Variants in POLR3E observed in about 807,000 individuals in gnomAD.
The protein encoded by POLR3E is RNA polymerase III subunit E.
A neutral mutation model predicts 96.6 loss-of-function variants in POLR3E; 41 were observed. The observed-to-expected ratio is 0.42, with a 90% CI of 0.33 to 0.55. POLR3E has a LOEUF of 0.55. Among genes scored for constraint, POLR3E ranks in the 20% least tolerant of loss-of-function variants. The pLI is 0.06. For synonymous variants in POLR3E, 396 were observed against 383.6 expected (o/e 1.03, Z -0.38); for missense variants, 849 against 952.1 (o/e 0.89, Z 1.43).
intron 3 of POLR3E, among the ~76,000 whole-genome samples, chr16:22,306,881 C>T (rs936591734): frequency 2.0e-5 from 3 of 152,204 alleles, no homozygotes; most frequent in South Asian, 2.1e-4. Flanking sequence ...GAGGCCTTCA[C>T]GGGCACGGAG....
At chr16:22,303,423 GTGAA>G (rs1016181818) in intron 2 of POLR3E, among the ~76,000 whole-genome samples, 1 of 152,252 alleles carries the variant, frequency 6.6e-6, no homozygotes, top group East Asian at 1.9e-4. Context: ...CGACTATTTG[GTGAA>G]TGAATGAATG....
Position 22,333,745 on chromosome 16 carries a change from G to C in POLR3E, c.*45G>C, listed in dbSNP as rs767156635. Reference sequence around the variant, plus strand: ...ACCCAGCAAATCTAAGCCCAAGGAAGAAGGGCGGAACCAGAAGTAGGGCCT... The same window carrying C: ...ACCCAGCAAATCTAAGCCCAAGGAACAAGGGCGGAACCAGAAGTAGGGCCT... On this transcript the variant is annotated 3_prime_UTR_variant, in exon 21 of 21. Transcript: ENST00000299853. 7.2e-7 allele frequency: 1 copy of C among 1,383,014 alleles called. No homozygotes were observed. Among genetic ancestry groups the C allele is most frequent in the Non-Finnish European group, 1.0e-6 (1 of 969,130 alleles). The allele number at this position is 1,383,014 out of a possible 1,614,324, so 85.7% of individuals were successfully genotyped here.
rs546464018 is a variant in POLR3E at position 22,313,748 on chromosome 16, C to T, written c.472+21C>T. ...CGAGGGTGAGCCCGGGATCCCCAGC[C>T]CTGCTGCCTGCCTGCCTTCATCCTG... On this transcript the variant is annotated intron_variant, in intron 7 of 20. Coordinates refer to ENST00000299853, the MANE Select transcript of POLR3E (RefSeq NM_018119.4). The surrounding 1 kb of genome is among the most constrained non-coding windows in gnomAD (Gnocchi z 4.1). The T allele has an allele frequency of 6.7e-7, 1 of 1,495,610 alleles. No individual in the cohort carries two copies. Among genetic ancestry groups the T allele is most frequent in the African/African-American group, 1.4e-5 (1 of 72,666 alleles). 92.6% of individuals were successfully genotyped at this position (1,495,610 alleles called of 1,614,324 possible).
At chr16:22,324,077 G>A (rs2048526215) in intron 14 of POLR3E, among the ~76,000 whole-genome samples, 1 of 139,212 alleles carries the variant, frequency 7.2e-6, no homozygotes, top group Admixed American at 6.7e-5. Flanking sequence ...CCTCGGAGCT[G>A]GGCAGGGCAT....
In POLR3E at chr16:22,312,887, A is replaced by C. The variant is rs544803260; in HGVS notation, c.365-733A>C. On this transcript the variant is annotated intron_variant, in intron 6 of 20. Coordinates refer to ENST00000299853, the MANE Select transcript of POLR3E (RefSeq NM_018119.4). ...ACACTCCATCTCAAAAAAAAAAAAA[A>C]AAAAAAAAAACAGTAAAGTGCTTAA... Among the ~76,000 whole-genome samples the C allele has an allele frequency of 1.2e-4, 18 of 151,760 alleles. No individual in the cohort carries two copies. In the East Asian group the frequency reaches 2.7e-3, roughly 23 times the overall value.
In POLR3E at chr16:22,315,105, C is replaced by T. The variant is rs569078974; in HGVS notation, c.539C>T (p.Pro180Leu). 2.7e-5 allele frequency: 43 copies of T among 1,613,406 alleles called. No homozygotes were observed. Among genetic ancestry groups the T allele is most frequent in the African/African-American group, 9.3e-5 (7 of 75,024 alleles). The part of the protein sequence containing the change: ...VKQITVRFSR[P>L]ESEQARQRRV... ...CCACCGCAGGTGCGGTTCTCCCGGC[C>T]GGAGTCAGAGCAGGCCCGCCAGCGC... Residue 180 changes from proline (P) to leucine (L), a missense_variant, in exon 9 of 21, where the codon CCG becomes CTG. Transcript: ENST00000299853.
Position 22,302,915 on chromosome 16 carries a change from T to A in POLR3E, c.-38-16T>A. 1 of 1,552,050 alleles carries A rather than the reference T, an allele frequency of 6.4e-7. No homozygotes were observed. The highest frequency in any genetic ancestry group is 8.9e-7 in the Non-Finnish European group (1 of 1,123,420). Reference sequence around the variant, plus strand: ...TTGAACGACTGATGGTCCCAGTCTCTCGCCCTCCTTTGCAGATCGAGCTGA... The same window carrying A: ...TTGAACGACTGATGGTCCCAGTCTCACGCCCTCCTTTGCAGATCGAGCTGA... On this transcript the variant is annotated splice_polypyrimidine_tract_variant and intron_variant, in intron 1 of 20. Transcript: ENST00000299853.
intron 10 of POLR3E, 84 bp downstream of exon 10, chr16:22,316,770 G>C (rs950608112): frequency 1.7e-6 from 2 of 1,187,380 alleles, no homozygotes; most frequent in South Asian, 1.2e-5. Flanking sequence ...CCAGAGGACT[G>C]TGGCCCCTCC....
rs1323868147 is a variant in POLR3E, at chr16:22,316,663, C to T, written c.705C>T (p.Asn235=). ...GCCCCGGCTCAAGCGGGGTGGAGAA[C>T]ACGGAGCTCGTCAAGTCACCCAGGT... is the stretch of plus-strand genomic sequence containing the variant. ...LLCPGSSGVE[N]TELVKSPSEY... Residue 235 remains asparagine, a synonymous_variant, in exon 10 of 21, where the codon AAC becomes AAT. Coordinates refer to ENST00000299853, the MANE Select transcript of POLR3E (RefSeq NM_018119.4). 2 of 1,613,990 alleles carry T rather than the reference C, an allele frequency of 1.2e-6. No homozygotes were observed. The highest frequency in any genetic ancestry group is 1.7e-5 in the Admixed American group (1 of 60,028).
chr16:22,331,270 C>T (rs970937201), intron 19 of POLR3E, among the ~76,000 whole-genome samples: 2 of 152,008 alleles, frequency 1.3e-5, no homozygotes, highest in African/African-American at 4.8e-5. Context: ...TGAGCCTCTG[C>T]GCCCGGCATG....
chr16:22,308,665 G>C (rs1267581145), intron 4 of POLR3E, among the ~76,000 whole-genome samples: 1 of 152,136 alleles, frequency 6.6e-6, no homozygotes, highest in Non-Finnish European at 1.5e-5. Flanking sequence ...TTTAAATGTT[G>C]GCACCTAATT....
intron 17 of POLR3E, among the ~76,000 whole-genome samples, 179 bp from the exon 18 acceptor site, chr16:22,325,582 C>T (rs978777444): frequency 2.0e-5 from 3 of 152,180 alleles, no homozygotes; most frequent in Admixed American, 6.5e-5. Flanking sequence ...CACCCTTCCC[C>T]GCATGACTCT....
At chr16:22,317,068 C>T in intron 11 of POLR3E, 29 bp downstream of exon 11, 1 of 1,613,926 alleles carries the variant, frequency 6.2e-7, no homozygotes, top group African/African-American at 1.3e-5. Flanking sequence ...ACACCCTCTC[C>T]CTTTCCGGGC....
intron 1 of POLR3E, chr16:22,299,054 T>A: frequency 2.2e-6 from 1 of 456,018 alleles, no homozygotes; most frequent in Non-Finnish European, 4.4e-6. Flanking sequence ...CAGATTAAGA[T>A]GAGACCCACC....
At position 22,318,815 on chromosome 16, in the gene POLR3E, G is replaced by A. The variant is rs917735739; in HGVS notation, c.866-11G>A. 3.0e-5 allele frequency: 48 copies of A among 1,611,950 alleles called. No homozygotes were observed. The Admixed American group carries it at 6.5e-4, about 22-fold the overall frequency. Reference sequence around the variant, plus strand: ...CTCTTCCTTGTCTGATGTCTCCTGCGTCCTCCTCAGTGAAGGTCATGCCTT... The same window carrying A: ...CTCTTCCTTGTCTGATGTCTCCTGCATCCTCCTCAGTGAAGGTCATGCCTT... On this transcript the variant is annotated splice_polypyrimidine_tract_variant and intron_variant, in intron 12 of 20. Coordinates refer to ENST00000299853, the MANE Select transcript of POLR3E (RefSeq NM_018119.4). This position sits in a 1 kb window ranked among gnomAD's most constrained non-coding sequence, Gnocchi z 5.0.
At chr16:22,311,784 C>T (rs1167346773) in intron 6 of POLR3E, among the ~76,000 whole-genome samples, 1 of 152,138 alleles carries the variant, frequency 6.6e-6, no homozygotes, top group African/African-American at 2.4e-5. Flanking sequence ...ATATGAGCCA[C>T]TGCACCCAGC....
intron 3 of POLR3E, chr16:22,305,521 C>A: frequency 1.7e-6 from 1 of 572,718 alleles, no homozygotes. Flanking sequence ...TTCTGTGCCT[C>A]ACTTTCCTCA....
Position 22,318,637 on chromosome 16 carries a change from AG to A in POLR3E, c.866-187del, listed in dbSNP as rs1289787987. Among the ~76,000 whole-genome samples, 1 of 152,176 alleles carries A rather than the reference AG, an allele frequency of 6.6e-6. No individual in the cohort carries two copies. Among genetic ancestry groups the A allele is most frequent in the East Asian group, 1.9e-4 (1 of 5,190 alleles). ...CTTCATATAATCCTCAGATTTCATG[AG>A]GTGCCCAGTGCCTGGCATGTAGTGA... On this transcript the variant is annotated intron_variant, in intron 12 of 20. Transcript: ENST00000299853. The surrounding 1 kb of genome is among the most constrained non-coding windows in gnomAD (Gnocchi z 5.0).
intron 17 of POLR3E, 98 bp downstream of exon 17, chr16:22,325,364 G>GT: frequency 1.0e-6 from 1 of 977,480 alleles, no homozygotes; most frequent in Non-Finnish European, 1.7e-6. Flanking sequence ...CCTGGAGAGG[G>GT]TGGAGGGCTC....
Sources: gnomAD v4.1 joint callset for allele counts (sites outside exome capture counted in the v4.1 genomes callset) on GRCh38, gnomAD v4.1.1 for gene constraint, Gnocchi (gnomAD v3.1) non-coding constraint, MANE v1.5 for transcripts, NCBI Gene and HGNC (gene_info 2026-07-23, HGNC 2026-07-21) for gene names.